UBAP2: variants seen among roughly 807,000 people sequenced by gnomAD.
The protein encoded by UBAP2 is ubiquitin associated protein 2.
Under a neutral mutation model 139.6 loss-of-function variants are expected in UBAP2, and 75 were observed. The observed-to-expected ratio is 0.54, with a 90% confidence interval of 0.45 to 0.65. The LOEUF (loss-of-function observed/expected upper bound fraction) is 0.65. Among genes scored for constraint, UBAP2 ranks in the 30% least tolerant of loss-of-function variants. The pLI is 0.00. For missense variants in UBAP2, 1,368 were observed against 1,369.6 expected (o/e 1.00, Z 0.02); for synonymous variants, 526 against 526.2 (o/e 1.00, Z 0.01).
intron 17 of UBAP2, chr9:33,935,606 G>C (rs1465893822): frequency 1.7e-6 from 1 of 579,956 alleles, no homozygotes; most frequent in Non-Finnish European, 3.1e-6. Context: ...TGCACTTGTG[G>C]TGCAGTCTGA....
intron 1 of UBAP2, among the ~76,000 whole-genome samples, chr9:34,041,373 G>A (rs1827064736): frequency 1.3e-5 from 2 of 150,100 alleles, no homozygotes; most frequent in South Asian, 2.1e-4. Flanking sequence ...GCTGAGGCAG[G>A]AGAATTGCTT....
chr9:33,927,721 A>G, intron 20 of UBAP2, 76 bp downstream of exon 20: 1 of 1,477,154 alleles, frequency 6.8e-7, no homozygotes. Flanking sequence ...TGACACCTGC[A>G]CTGCCTTCCT....
In UBAP2 at chr9:33,956,159, T is replaced by G. The variant is rs762001708; in HGVS notation, c.799-13A>C. ...TTGTTTCAGAAAGCTGTATGGAAAG[T>G]TGAAAAATTTAATCTTATTCTACAT... On this transcript the variant is annotated splice_polypyrimidine_tract_variant and intron_variant, in intron 10 of 28. Transcript: ENST00000379238. The G allele has an allele frequency of 6.8e-6, 11 of 1,610,118 alleles. No homozygotes were observed. The highest frequency in any genetic ancestry group is 7.6e-6 in the Non-Finnish European group (9 of 1,177,226).
At chr9:33,923,701 C>T (rs1383185613) in intron 24 of UBAP2, 94 bp downstream of exon 24, 30 of 1,370,548 alleles carry the variant, frequency 2.2e-5, no homozygotes, top group African/African-American at 4.3e-5. Flanking sequence ...AGTGGAATCA[C>T]AACCCTCCCT....
intron 6 of UBAP2, among the ~76,000 whole-genome samples, chr9:33,982,454 C>T (rs1316946393): frequency 6.6e-6 from 1 of 152,162 alleles, no homozygotes; most frequent in Non-Finnish European, 1.5e-5. Context: ...AGTTTGCCTA[C>T]ATAGCTGCTT....
At chr9:33,934,238 A>G (rs1824259016) in intron 17 of UBAP2, 1 of 156,874 alleles carries the variant, frequency 6.4e-6, no homozygotes, top group African/African-American at 2.4e-5. Context: ...TGTATCTCAG[A>G]GCACATAAAT....
At chr9:33,991,050 CAAAGCAGGAA>C (rs963698095) in intron 4 of UBAP2, among the ~76,000 whole-genome samples, 4 of 152,006 alleles carry the variant, frequency 2.6e-5, no homozygotes, top group African/African-American at 7.2e-5. Flanking sequence ...ATTGGGAGGC[CAAAGCAGGAA>C]GATCACTTGA....
Position 33,923,796 on chromosome 9 carries a change from A to G in UBAP2, c.2795T>C (p.Phe932Ser). 1 of 1,614,040 alleles carries G rather than the reference A, an allele frequency of 6.2e-7. No homozygotes were observed. The highest frequency in any genetic ancestry group is 8.5e-7 in the Non-Finnish European group (1 of 1,179,936). Residue 932 changes from phenylalanine (F) to serine (S), a missense_variant and splice_region_variant, in exon 24 of 29, where the codon TTT becomes TCT. Coordinates refer to ENST00000379238, the MANE Select transcript of UBAP2 (RefSeq NM_001370062.2). The part of the protein sequence containing the change: ...PSAFQYGPTM[F>S]VPPASAKQHG... ...AGTCACACCCTCTGAAATACTCACAAACATGGTGGGGCCATACTGGAAGGC... is the reference window on the plus strand; with the variant it reads ...AGTCACACCCTCTGAAATACTCACAGACATGGTGGGGCCATACTGGAAGGC...
intron 1 of UBAP2, among the ~76,000 whole-genome samples, chr9:34,023,155 G>A (rs556025209): frequency 5.5e-4 from 84 of 151,808 alleles, no homozygotes; most frequent in Admixed American, 2.7e-3. Context: ...GAACCCAGGA[G>A]GCAGAGGTTG....
intron 1 of UBAP2, among the ~76,000 whole-genome samples, chr9:34,035,514 A>AAAAAAAAAAATATATATATAT: frequency 1.3e-4 from 3 of 22,490 alleles, no homozygotes; most frequent in East Asian, 3.6e-3. Flanking sequence ...AAAAAAAAAA[A>AAAAAAAAAAATATATATATAT]ATATATATAT....
chr9:34,041,117 CAACA>C (rs1564077245), intron 1 of UBAP2, among the ~76,000 whole-genome samples: 1 of 151,920 alleles, frequency 6.6e-6, no homozygotes, highest in Non-Finnish European at 1.5e-5. Context: ...ATGAAATAGA[CAACA>C]TATGGCACAT....
intron 6 of UBAP2, 35 bp from the exon 7 acceptor site, chr9:33,973,272 T>C (rs1564038543): frequency 6.3e-7 from 1 of 1,596,228 alleles, no homozygotes; most frequent in Non-Finnish European, 8.6e-7. Context: ...TATAAAATAA[T>C]ACTTATGTCC....
Position 34,035,514 on chromosome 9 carries a change from A to AAATATATATAT in UBAP2, c.-42+13310_-42+13311insATATATATATT. On this transcript the variant is annotated intron_variant, in intron 1 of 28. Transcript: ENST00000379238. ...GAGACTCCATCTAAAAAAAAAAAAA[A>AAATATATATAT]ATATATATATATAAAGATTAGCCAG... Among the ~76,000 whole-genome samples the AAATATATATAT allele has an allele frequency of 4.9e-3, 110 of 22,488 alleles. 7 individuals are homozygous for AAATATATATAT. Among genetic ancestry groups the AAATATATATAT allele is most frequent in the South Asian group, 0.015 (15 of 1,030 alleles). The allele number at this position is 22,488 out of a possible 152,430, so 14.8% of individuals were successfully genotyped here. A position where few individuals can be genotyped will look rare whatever the true frequency, so the allele number is the denominator to read the frequency against.
intron 1 of UBAP2, among the ~76,000 whole-genome samples, chr9:34,041,795 AG>A (rs1267115575): frequency 6.6e-6 from 1 of 151,942 alleles, no homozygotes; most frequent in African/African-American, 2.4e-5. Context: ...AGGCCGAAGC[AG>A]GCAGATCACC....
intron 3 of UBAP2, chr9:33,997,820 T>G (rs1303948974): frequency 6.6e-6 from 1 of 152,216 alleles, no homozygotes; most frequent in Non-Finnish European, 1.5e-5. Context: ...TATGAAGATC[T>G]CATTCCAGAG....
At chr9:34,027,009 C>CT (rs2131314720) in intron 1 of UBAP2, among the ~76,000 whole-genome samples, 1 of 152,292 alleles carries the variant, frequency 6.6e-6, no homozygotes, top group South Asian at 2.1e-4. Context: ...GCTTCTCAGC[C>CT]TTTCAGATAC....
chr9:33,945,540 T>C (rs1437269044), intron 13 of UBAP2, among the ~76,000 whole-genome samples: 1 of 152,164 alleles, frequency 6.6e-6, no homozygotes, highest in Non-Finnish European at 1.5e-5. Context: ...AGAATATGTA[T>C]GACGAATATT....
intron 2 of UBAP2, among the ~76,000 whole-genome samples, chr9:34,009,324 C>T (rs1043820132): frequency 2.0e-5 from 3 of 152,094 alleles, no homozygotes; most frequent in African/African-American, 7.2e-5. Flanking sequence ...GTCTCGAACC[C>T]CTGGCCTCAG....
chr9:34,045,541 T>G (rs1827504731), intron 1 of UBAP2, among the ~76,000 whole-genome samples: 1 of 151,806 alleles, frequency 6.6e-6, no homozygotes, highest in Non-Finnish European at 1.5e-5. Flanking sequence ...ACCAGGCTCA[T>G]TTTTGTATTT....
Sources: allele counts gnomAD v4.1 joint callset (sites outside exome capture counted in the v4.1 genomes callset), GRCh38; gene constraint gnomAD v4.1.1; transcripts MANE v1.5; gene names NCBI Gene and HGNC (gene_info 2026-07-23, HGNC 2026-07-21).